TSPAN7: variants seen among roughly 807,000 people sequenced by gnomAD.
TSPAN7 encodes the protein tetraspanin-7.
In TSPAN7, 1 loss-of-function variant was observed where a neutral mutation model predicts 17.6. The ratio of observed to expected loss-of-function variants is 0.06; its 90% CI spans 0.02 to 0.27. TSPAN7 has a LOEUF of 0.27. Among genes scored for constraint, TSPAN7 ranks in the 10% least tolerant of loss-of-function variants. TSPAN7 has a pLI of 1.00. For missense variants in TSPAN7, 112 were observed against 201.7 expected (o/e 0.56, Z 2.69); for synonymous variants, 78 against 79.0 (o/e 0.99, Z 0.07).
chrX:38,580,143 T>G (rs1256457835), intron 1 of TSPAN7, among the ~76,000 whole-genome samples: 1 of 111,803 alleles, frequency 8.9e-6, no homozygotes, highest in African/African-American at 3.3e-5. Context: ...TAAATAAACT[T>G]TATGTATTGT....
At chrX:38,578,854 T>TA (rs1316242371) in intron 1 of TSPAN7, among the ~76,000 whole-genome samples, 1 of 111,636 alleles carries the variant, frequency 9.0e-6, no homozygotes. Context: ...CATGTATACA[T>TA]ATACACATAT....
At chrX:38,659,001 TACACACACACACACACACACAC>T (rs71903430) in intron 1 of TSPAN7, among the ~76,000 whole-genome samples, 1 of 96,161 alleles carries the variant, frequency 1.0e-5, no homozygotes, top group Non-Finnish European at 2.1e-5. Context: ...TTATCTTCCA[TACACACACACACACACACACAC>T]ACACACACAC....
At chrX:38,611,631 G>A (rs1257868338) in intron 1 of TSPAN7, among the ~76,000 whole-genome samples, 2 of 111,568 alleles carry the variant, frequency 1.8e-5, no homozygotes, top group South Asian at 3.8e-4. Context: ...TTAAAGGATC[G>A]TGATGGTGGG....
At chrX:38,584,932 G>T (rs1458909333) in intron 1 of TSPAN7, among the ~76,000 whole-genome samples, 2 of 111,437 alleles carry the variant, frequency 1.8e-5, no homozygotes, top group African/African-American at 6.5e-5. Context: ...CTCTTTTTTG[G>T]TGTATTTTTG....
intron 2 of TSPAN7, among the ~76,000 whole-genome samples, chrX:38,669,298 C>T (rs2069804964): frequency 9.0e-6 from 1 of 111,195 alleles, no homozygotes; most frequent in Admixed American, 9.6e-5. Context: ...ATACTGGGTG[C>T]GTATGATATT....
chrX:38,577,804 A>C (rs750761934), intron 1 of TSPAN7, among the ~76,000 whole-genome samples: 7 of 108,872 alleles, frequency 6.4e-5, no homozygotes, highest in Non-Finnish European at 1.3e-4. Flanking sequence ...CCTAAAACTT[A>C]AAGTATAAAA....
intron 1 of TSPAN7, among the ~76,000 whole-genome samples, chrX:38,656,583 A>C (rs2069706789): frequency 8.9e-6 from 1 of 111,827 alleles, no homozygotes; most frequent in African/African-American, 3.3e-5. Flanking sequence ...CCCAAACATT[A>C]AGCTTCTGTC....
intron 1 of TSPAN7, among the ~76,000 whole-genome samples, chrX:38,602,783 G>T (rs2069353303): frequency 8.9e-6 from 1 of 111,772 alleles, no homozygotes; most frequent in African/African-American, 3.3e-5. Context: ...TCAATGCAGT[G>T]AGAGCACAGG....
rs752134715 is a variant in TSPAN7, at chrX:38,646,146, T to TAAAA, written c.82-19968_82-19965dup. ...CTAGTAATAGTTGGTGTACTTTCTA[T>TAAAA]AAAAAAAAAACCTGTAAATACATTA... is the stretch of plus-strand genomic sequence containing the variant. On this transcript the variant is annotated intron_variant, in intron 1 of 7. Transcript: ENST00000378482. 5.8e-5 allele frequency: 33 copies of TAAAA among 569,845 alleles called. No homozygotes were observed. The African/African-American group carries it at 6.6e-4, about 11-fold the overall frequency. 47.0% of individuals were successfully genotyped at this position (569,845 alleles called of 1,213,427 possible). A position where few individuals can be genotyped will look rare whatever the true frequency, so the allele number is the denominator to read the frequency against.
intron 6 of TSPAN7, among the ~76,000 whole-genome samples, chrX:38,683,186 G>A (rs182255679): frequency 2.8e-4 from 31 of 112,236 alleles, no homozygotes; most frequent in African/African-American, 8.4e-4. Flanking sequence ...ATGAGTGTGT[G>A]TGTGGTATTA....
intron 5 of TSPAN7, among the ~76,000 whole-genome samples, chrX:38,676,548 A>G (rs1406479897): frequency 8.9e-6 from 1 of 112,374 alleles, no homozygotes; most frequent in Non-Finnish European, 1.9e-5. Context: ...AAGATTATCT[A>G]CATCTTAAAT....
At chrX:38,576,616 TAA>T (rs980191234) in intron 1 of TSPAN7, among the ~76,000 whole-genome samples, 6 of 111,878 alleles carry the variant, frequency 5.4e-5, no homozygotes, top group African/African-American at 2.0e-4. Flanking sequence ...CAATGAACTG[TAA>T]GAGAGAGAGC....
chrX:38,613,772 T>C (rs766834044), intron 1 of TSPAN7, among the ~76,000 whole-genome samples: 2 of 111,060 alleles, frequency 1.8e-5, no homozygotes, highest in Non-Finnish European at 3.8e-5. Flanking sequence ...CCCTATGTTT[T>C]ACCCTCTTTA....
intron 1 of TSPAN7, among the ~76,000 whole-genome samples, chrX:38,597,021 ACTTTCT>A (rs1384645808): frequency 9.0e-6 from 1 of 111,331 alleles, no homozygotes; most frequent in East Asian, 2.8e-4. Context: ...ATTGTTACTG[ACTTTCT>A]CTGTCCACCT....
chrX:38,573,995 G>A (rs1446454426), intron 1 of TSPAN7, among the ~76,000 whole-genome samples: 18 of 111,629 alleles, frequency 1.6e-4, no homozygotes, highest in Non-Finnish European at 3.4e-4. Context: ...CTCTTTCCTC[G>A]CTTCTCATAC....
At chrX:38,597,307 T>C (rs762192777) in intron 1 of TSPAN7, among the ~76,000 whole-genome samples, 1 of 111,143 alleles carries the variant, frequency 9.0e-6, no homozygotes, top group African/African-American at 3.3e-5. Context: ...TCTCATACTA[T>C]AAACAAGTAT....
At chrX:38,582,478 C>T (rs2069232824) in intron 1 of TSPAN7, among the ~76,000 whole-genome samples, 1 of 112,100 alleles carries the variant, frequency 8.9e-6, no homozygotes, top group Admixed American at 9.4e-5. Flanking sequence ...TGGGGTCTAA[C>T]TTTAACAGAC....
chrX:38,671,655 G>T (rs1264581010), intron 3 of TSPAN7, among the ~76,000 whole-genome samples: 1 of 111,373 alleles, frequency 9.0e-6, no homozygotes, highest in Non-Finnish European at 1.9e-5. Context: ...CTTCATTGTT[G>T]ATCTTCACTG....
At chrX:38,639,327 A>G (rs1292473317) in intron 1 of TSPAN7, among the ~76,000 whole-genome samples, 1 of 108,951 alleles carries the variant, frequency 9.2e-6, no homozygotes, top group African/African-American at 3.4e-5. Context: ...TAACTTGTCC[A>G]AGGTCACATA....
Sources: gnomAD v4.1 joint callset for allele counts (sites outside exome capture counted in the v4.1 genomes callset) on GRCh38, gnomAD v4.1.1 for gene constraint, MANE v1.5 for transcripts, NCBI Gene and HGNC (gene_info 2026-07-23, HGNC 2026-07-21) for gene names.